Variants in UBR3 observed in about 807,000 individuals in gnomAD.
UBR3 encodes the protein E3 ubiquitin-protein ligase UBR3.
Under a neutral mutation model 243.2 loss-of-function variants are expected in UBR3, and 85 were observed. The observed-to-expected ratio is 0.35, with a 90% CI of 0.29 to 0.42. The LOEUF (loss-of-function observed/expected upper bound fraction) is 0.42. UBR3 is among the 10% of genes least tolerant of loss of function. The probability of loss-of-function intolerance (pLI) is 1.00; values close to 1 mark genes in which losing one functional copy is unlikely to be tolerated. For missense variants in UBR3, 1,686 were observed against 2,300.8 expected (o/e 0.73, Z 5.47); for synonymous variants, 748 against 799.8 (o/e 0.94, Z 1.09).
intron 23 of UBR3, among the ~76,000 whole-genome samples, chr2:169,955,309 AT>A (rs947018557): frequency 1.3e-5 from 2 of 152,062 alleles, no homozygotes; most frequent in Non-Finnish European, 2.9e-5. Flanking sequence ...ATATTCATTT[AT>A]TTTTATCAGT....
At chr2:169,877,856 A>G (rs184782302) in intron 4 of UBR3, among the ~76,000 whole-genome samples, 13 of 152,358 alleles carry the variant, frequency 8.5e-5, no homozygotes, top group Non-Finnish European at 1.8e-4. Context: ...TGATTAGCTT[A>G]TTAAGGTTCT....
At position 170,081,808 on chromosome 2, in the gene UBR3, A is replaced by G. The variant is rs768812765; in HGVS notation, c.5632A>G (p.Asn1878Asp). 4 of 1,607,094 alleles carry G rather than the reference A, an allele frequency of 2.5e-6. No homozygotes were observed. Among genetic ancestry groups the G allele is most frequent in the Non-Finnish European group, 3.4e-6 (4 of 1,176,186 alleles). ...QWISHTFDHI[N>D]KRWGPHYNGL ...GATTTCTCATACTTTTGATCACATC[A>G]ATAAAAGATGGGGTCCACATTACAA... The change falls in exon 39 of 39, where the codon AAT becomes GAT. Residue 1878 changes from asparagine (N) to aspartate (D), a missense_variant. Physicochemically the swap from Asn to Asp is conservative, Grantham distance 23 (BLOSUM62 1). This residue lies in a region of UBR3 where 89 missense variants were observed against 183.3 expected (regional missense o/e 0.49). Transcript: ENST00000272793.
At chr2:170,078,577 A>G (rs1011361475) in intron 36 of UBR3, among the ~76,000 whole-genome samples, 1 of 152,198 alleles carries the variant, frequency 6.6e-6, no homozygotes, top group African/African-American at 2.4e-5. Context: ...TGTAAATTTC[A>G]TGAATTTCAT....
In UBR3 at chr2:169,932,914, G is replaced by A. The variant is rs1196254701; in HGVS notation, c.2569G>A (p.Glu857Lys). 2 of 1,543,986 alleles carry A rather than the reference G, an allele frequency of 1.3e-6. No individual in the cohort carries two copies. The highest frequency in any genetic ancestry group is 1.2e-5 in the South Asian group (1 of 82,068). ...TTCTACTTTCTTTTGAATAATAGCT[G>A]AAGTCTGGGATCAAGAGTTTGACCC... ...MQQGMYTPKA[E>K]VWDQEFDPVM... Residue 857 changes from glutamate to lysine, a missense_variant and splice_region_variant, in exon 19 of 39, where the codon GAA (glutamate) becomes AAA (lysine). This residue lies in a region of UBR3 where 346 missense variants were observed against 585.8 expected (regional missense o/e 0.59). Transcript: ENST00000272793.
intron 24 of UBR3, among the ~76,000 whole-genome samples, chr2:169,972,355 T>A (rs1461985259): frequency 6.6e-6 from 1 of 152,126 alleles, no homozygotes; most frequent in Non-Finnish European, 1.5e-5. Flanking sequence ...ACTGGTACCA[T>A]TCCTTCTGAA....
chr2:170,062,697 G>A (rs1282223636), intron 35 of UBR3, among the ~76,000 whole-genome samples: 1 of 152,104 alleles, frequency 6.6e-6, no homozygotes, highest in African/African-American at 2.4e-5. Flanking sequence ...AAAGGCCATT[G>A]GCTGTGGTTC....
In UBR3 at chr2:169,994,367, A is replaced by G; in HGVS notation, c.3829A>G (p.Ile1277Val). Residue 1277 changes from isoleucine (I) to valine (V), a missense_variant, in exon 26 of 39, where the codon ATC becomes GTC. By Grantham distance (29) the Ile-to-Val change is conservative. This residue lies in a region of UBR3 where 156 missense variants were observed against 246.3 expected (regional missense o/e 0.63). Coordinates refer to ENST00000272793, the MANE Select transcript of UBR3 (RefSeq NM_172070.4). The stretch of plus-strand genomic sequence containing the variant: ...CAATGTTGAGCCAAAAAAGTTGCCG[A>G]TCAGTGAAGAGGAGCAGATTTACCC... ...RDNVEPKKLP[I>V]SEEEQIYPWD... 1 of 1,614,122 alleles carries G rather than the reference A, an allele frequency of 6.2e-7. No homozygotes were observed. Among genetic ancestry groups the G allele is most frequent in the Non-Finnish European group, 8.5e-7 (1 of 1,180,010 alleles).
At chr2:170,002,093 T>C (rs1187048416) in intron 27 of UBR3, among the ~76,000 whole-genome samples, 1 of 152,112 alleles carries the variant, frequency 6.6e-6, no homozygotes, top group Non-Finnish European at 1.5e-5. Flanking sequence ...ATTATTGTGA[T>C]TTGCCTCTGA....
chr2:169,985,016 T>TA (rs35605936), intron 24 of UBR3, among the ~76,000 whole-genome samples: 62,918 of 147,700 alleles, frequency 0.43, 14,596 homozygotes, highest in Non-Finnish European at 0.54. Context: ...CAAGACTTAT[T>TA]AAAAAAAAAA....
Position 169,881,582 on chromosome 2 carries a change from T to A in UBR3, c.1038+3008T>A, listed in dbSNP as rs1187475397. On this transcript the variant is annotated intron_variant, in intron 5 of 38. Transcript: ENST00000272793. The stretch of plus-strand genomic sequence containing the variant: ...GAAAACTTAAGAATTTGAAGTAGAG[T>A]TGTTTAGCCAGAGGTATCTACCGTA... 2.0e-5 allele frequency among the ~76,000 whole-genome samples: 3 copies of A among 146,566 alleles called. No homozygotes were observed. In the East Asian group the frequency reaches 6.0e-4, roughly 29 times the overall value.
At chr2:169,895,452 A>C in intron 7 of UBR3, 141 bp downstream of exon 7, 1 of 959,874 alleles carries the variant, frequency 1.0e-6, no homozygotes, top group South Asian at 1.8e-5. Flanking sequence ...TTGATAACAC[A>C]AGTTCTTCAC....
intron 31 of UBR3, 68 bp downstream of exon 31, chr2:170,029,516 T>A: frequency 8.0e-7 from 1 of 1,252,434 alleles, no homozygotes; most frequent in Non-Finnish European, 1.1e-6. Flanking sequence ...AATATAAAAA[T>A]GGAATTGAAA....
At chr2:170,003,783 G>A (rs1329851344) in intron 27 of UBR3, among the ~76,000 whole-genome samples, 2 of 152,150 alleles carry the variant, frequency 1.3e-5, no homozygotes, top group African/African-American at 4.8e-5. Context: ...TGGGACTACA[G>A]GCGCCCGCCA....
intron 26 of UBR3, among the ~76,000 whole-genome samples, chr2:169,996,977 G>C (rs1203364191): frequency 6.6e-6 from 1 of 151,684 alleles, no homozygotes; most frequent in African/African-American, 2.4e-5. Flanking sequence ...GGGATTACAG[G>C]CGTGAGCCAC....
chr2:169,857,062 ATGTTTT>A (rs1207917491), intron 1 of UBR3, among the ~76,000 whole-genome samples: 7 of 28,472 alleles, frequency 2.5e-4, no homozygotes, highest in African/African-American at 3.7e-4. Context: ...TAATTTTATT[ATGTTTT>A]TTTTTTTTTT....
At chr2:169,971,767 G>A (rs2105376620) in intron 24 of UBR3, among the ~76,000 whole-genome samples, 1 of 152,274 alleles carries the variant, frequency 6.6e-6, no homozygotes, top group East Asian at 1.9e-4. Flanking sequence ...TCGAAGCAGT[G>A]TGTAGAGGGA....
chr2:170,038,386 C>T lies in UBR3; in HGVS notation c.4557-2496C>T, dbSNP rs192553466. Reference sequence around the variant, plus strand: ...CGTTTATTTGTTCATTCATCCATCCCTTTTCCCATGAATATTTCATTTGTT... The same window carrying T: ...CGTTTATTTGTTCATTCATCCATCCTTTTTCCCATGAATATTTCATTTGTT... On this transcript the variant is annotated intron_variant, in intron 31 of 38. Coordinates refer to ENST00000272793, the MANE Select transcript of UBR3 (RefSeq NM_172070.4). 2.6e-4 allele frequency among the ~76,000 whole-genome samples: 39 copies of T among 152,322 alleles called. No individual in the cohort carries two copies. The East Asian group carries it at 6.9e-3, about 27-fold the overall frequency.
intron 26 of UBR3, among the ~76,000 whole-genome samples, chr2:169,997,726 TCAA>T (rs1381817694): frequency 2.0e-5 from 3 of 151,994 alleles, no homozygotes; most frequent in Non-Finnish European, 2.9e-5. Flanking sequence ...AGAAAAGATC[TCAA>T]CAACAAGAGG....
intron 1 of UBR3, among the ~76,000 whole-genome samples, chr2:169,857,017 A>T (rs1304610377): frequency 1.4e-5 from 2 of 146,714 alleles, no homozygotes; most frequent in South Asian, 2.2e-4. Context: ...AAATTTGGGG[A>T]ATTTTTAAAG....
Sources: allele counts gnomAD v4.1 joint callset (sites outside exome capture counted in the v4.1 genomes callset), GRCh38; gene constraint gnomAD v4.1.1; regional missense constraint gnomAD v4.1.1; transcripts MANE v1.5; gene names NCBI Gene and HGNC (gene_info 2026-07-23, HGNC 2026-07-21).